The following MST1R variants were observed in gnomAD, a reference collection of about 807,000 sequenced individuals.
MST1R encodes macrophage-stimulating protein receptor.
MST1R carries 99 observed loss-of-function variants against 117.8 expected under a neutral mutation model. The ratio of observed to expected loss-of-function variants is 0.84; its 90% CI spans 0.71 to 0.99. The LOEUF is 0.99. Among genes scored for constraint, MST1R ranks in the 50% least tolerant of loss-of-function variants. The pLI, the probability that MST1R is intolerant of heterozygous loss-of-function variation, is 0.00. For missense variants in MST1R, 1,683 were observed against 1,840.2 expected, an observed-to-expected ratio of 0.91 and a Z score of 1.56; for synonymous variants, 734 against 765.3, an observed-to-expected ratio of 0.96 and a Z score of 0.68.
At position 49,887,493 on chromosome 3, in the gene MST1R, C is replaced by T. The variant is rs151334000; in HGVS notation, c.4017G>A (p.Gly1339=). The T allele has an allele frequency of 4.3e-6, 7 of 1,614,100 alleles. No individual in the cohort carries two copies. The highest frequency in any genetic ancestry group is 1.7e-5 in the Admixed American group (1 of 60,006). Residue 1339 remains glycine, a synonymous_variant, in exon 20 of 20, where the codon GGG becomes GGA. Transcript: ENST00000296474. The part of the protein sequence containing the change: ...AVRPTFRVLV[G]EVEQIVSALL... ...GTGCAGACACTATCTGCTCCACCTC[C>T]CCCACTAGTACTCTGAAGGTGGGTC... is the stretch of plus-strand genomic sequence containing the variant.
At chr3:49,902,277 C>A in intron 1 of MST1R, 103 bp downstream of exon 1, 1 of 1,455,130 alleles carries the variant, frequency 6.9e-7, no homozygotes, top group Non-Finnish European at 9.2e-7. Flanking sequence ...TTCCGCCTGC[C>A]CCCCCACCGC....
At chr3:49,901,055 G>A (rs2082660158) in intron 1 of MST1R, among the ~76,000 whole-genome samples, 1 of 152,174 alleles carries the variant, frequency 6.6e-6, no homozygotes, top group South Asian at 2.1e-4. Context: ...AGCCGTGCTG[G>A]GTGTCTTCTG....
In MST1R at chr3:49,902,250, T is replaced by G. The variant is rs1288352634; in HGVS notation, c.1230+130A>C. ...ACCACCCCAGCACTTAGGAACTGGG[T>G]GAGAGAGAATGCTTCTTTCCGCCTG... On this transcript the variant is annotated intron_variant, in intron 1 of 19. Transcript: ENST00000296474. 10 of 1,309,776 alleles carry G rather than the reference T, an allele frequency of 7.6e-6. No homozygotes were observed. The South Asian group carries it at 1.3e-4, about 17-fold the overall frequency. 81.1% of individuals were successfully genotyped at this position (1,309,776 alleles called of 1,614,324 possible).
chr3:49,895,244 G>T lies in MST1R; in HGVS notation c.3194C>A (p.Ala1065Glu). Residue 1065 changes from alanine (A) to glutamate (E), a missense_variant, in exon 14 of 20, where the codon GCG becomes GAG. Coordinates refer to ENST00000296474, the MANE Select transcript of MST1R (RefSeq NM_002447.4). Reference protein sequence around the residue: ...ESIQLRDLDSALLAEVKDVLI... With the variant: ...ESIQLRDLDSELLAEVKDVLI... ...CACATCCTTGACCTCAGCCAAGAGC[G>T]CAGAGTCCAGGTCCCTTAGCTGGAT... 6.2e-7 allele frequency: 1 copy of T among 1,614,178 alleles called. No individual in the cohort carries two copies.
Position 49,902,677 on chromosome 3 carries a change from G to GT in MST1R, c.932_933insA (p.Glu313ArgfsTer24). The GT allele has an allele frequency of 6.2e-7, 1 of 1,613,376 alleles. No individual in the cohort carries two copies. The highest frequency in any genetic ancestry group is 2.2e-5 in the East Asian group (1 of 44,880). ...CAGGGTAGGGCTGTCCGCCTTCTGGGGCCCCCCGGCGCCTGCGTTTTGGAG... is the reference window on the plus strand; with the variant it reads ...CAGGGTAGGGCTGTCCGCCTTCTGGGTGCCCCCCGGCGCCTGCGTTTTGGAG... On this transcript the variant is annotated frameshift_variant, in exon 1 of 20. Transcript: ENST00000296474. LOFTEE classifies it high-confidence loss of function.
chr3:49,898,542 G>A lies in MST1R; in HGVS notation c.1695C>T (p.Asp565=). The change falls in exon 4 of 20, where the codon GAC becomes GAT. Residue 565 remains aspartate (D), a synonymous_variant. Coordinates refer to ENST00000296474, the MANE Select transcript of MST1R (RefSeq NM_002447.4). The part of the protein sequence containing the change: ...QKECPGSWQQ[D]HCPPKLTEFH... The stretch of plus-strand genomic sequence containing the variant: ...CCTCAGTAAGCTTAGGTGGGCAGTG[G>A]TCCTGTTGCCAGGAGCCAGGACACT... 2 of 1,613,874 alleles carry A rather than the reference G, an allele frequency of 1.2e-6. No individual in the cohort carries two copies. Among genetic ancestry groups the A allele is most frequent in the Non-Finnish European group, 1.7e-6 (2 of 1,180,008 alleles).
chr3:49,891,421 T>G lies in MST1R; in HGVS notation c.3512A>C (p.Gln1171Pro). The change falls in exon 16 of 20, where the codon CAG becomes CCG. Residue 1171 changes from glutamine (Q) to proline (P), a missense_variant. Transcript: ENST00000296474. ...GACCCGCTGAGGTGAGCGGATGAAC[T>G]GGAGCAGGTCACCGTGGCACATATA... ...LPYMCHGDLL[Q>P]FIRSPQRNPT... The G allele has an allele frequency of 6.2e-7, 1 of 1,613,964 alleles. No individual in the cohort carries two copies. Among genetic ancestry groups the G allele is most frequent in the African/African-American group, 1.3e-5 (1 of 75,044 alleles).
Position 49,896,814 on chromosome 3 carries a change from C to A in MST1R, c.2260G>T (p.Gly754Trp), listed in dbSNP as rs1263192467. The change falls in exon 8 of 20, where the codon GGG becomes TGG. Residue 754 changes from glycine (G) to tryptophan (W), a missense_variant. Gly to Trp is a radical substitution (Grantham distance 184). Coordinates refer to ENST00000296474, the MANE Select transcript of MST1R (RefSeq NM_002447.4). Reference sequence around the variant, plus strand: ...CAGGAACCAGGTACCTGGGCACCCCCCACCTGCAGGCTAAGGGGGACACTG... The same window carrying A: ...CAGGAACCAGGTACCTGGGCACCCCACACCTGCAGGCTAAGGGGGACACTG... ...VASVPLSLQVGGAQVPGSWTF... is the reference protein window; with the variant it reads ...VASVPLSLQVWGAQVPGSWTF... The A allele has an allele frequency of 3.8e-6, 6 of 1,559,136 alleles. No individual in the cohort carries two copies. The South Asian group carries it at 5.9e-5, about 15-fold the overall frequency.
At chr3:49,899,897 A>G (rs1375764841) in intron 1 of MST1R, among the ~76,000 whole-genome samples, 2 of 152,044 alleles carry the variant, frequency 1.3e-5, no homozygotes, top group African/African-American at 4.8e-5. Context: ...ACAGATGAGG[A>G]AACAGGCTCA....
chr3:49,893,122 T>TA (rs2082361446), intron 14 of MST1R, among the ~76,000 whole-genome samples: 1 of 145,956 alleles, frequency 6.9e-6, no homozygotes, highest in South Asian at 2.1e-4. Context: ...CTACTAAAAA[T>TA]ACAAAAATTA....
Position 49,899,034 on chromosome 3 carries a change from C to T in MST1R, c.1420-39G>A, listed in dbSNP as rs759588631. 4.3e-6 allele frequency: 7 copies of T among 1,614,184 alleles called. No individual in the cohort carries two copies. In the South Asian group the frequency reaches 6.6e-5, roughly 15 times the overall value. On this transcript the variant is annotated intron_variant, in intron 2 of 19. Coordinates refer to ENST00000296474, the MANE Select transcript of MST1R (RefSeq NM_002447.4). ...GATGTGAGCAAAATGGGGATGGAGA[C>T]AAGGACCCAGGGCTAGGGGACTGTG...
intron 1 of MST1R, 145 bp from the exon 2 acceptor site, chr3:49,899,408 T>A: frequency 1.2e-6 from 1 of 816,076 alleles, no homozygotes; most frequent in Non-Finnish European, 1.9e-6. Flanking sequence ...CCGGTTACCA[T>A]CCCACATTGC....
chr3:49,891,769 T>C lies in MST1R; in HGVS notation c.3341A>G (p.Lys1114Arg), dbSNP rs1004471146. 11 of 1,614,146 alleles carry C rather than the reference T, an allele frequency of 6.8e-6. No individual in the cohort carries two copies. Among genetic ancestry groups the C allele is most frequent in the Non-Finnish European group, 5.9e-6 (7 of 1,180,010 alleles). ...TCTGCCCCACTTACGACTTAGTGAC[T>C]TGATGGCACATTGGATTCGATTCTG... ...QAQNRIQCAI[K>R]SLSRITEMQQ... Residue 1114 changes from lysine to arginine, a missense_variant, in exon 15 of 20, where the codon AAG becomes AGG. Coordinates refer to ENST00000296474, the MANE Select transcript of MST1R (RefSeq NM_002447.4).
chr3:49,895,423 C>T (rs781634083), intron 13 of MST1R, 24 bp downstream of exon 13: 2 of 1,613,962 alleles, frequency 1.2e-6, no homozygotes, highest in Non-Finnish European at 1.7e-6. Flanking sequence ...GTGGCTTTAG[C>T]TTCTCATGCC....
Position 49,899,110 on chromosome 3 carries a change from C to A in MST1R, c.1384G>T (p.Ala462Ser), listed in dbSNP as rs139493185. Residue 462 changes from alanine to serine, a missense_variant, in exon 2 of 20, where the codon GCA becomes TCA. By Grantham distance (99) the Ala-to-Ser change is moderately conservative (BLOSUM62 1). Transcript: ENST00000296474. The part of the protein sequence containing the change: ...YVTRLDNVTV[A>S]HMGTMDGRIL... Reference sequence around the variant, plus strand: ...CGCCCATCCATTGTGCCCATGTGTGCCACTGTGACGTTGTCAAGGCGTGTC... The same window carrying A: ...CGCCCATCCATTGTGCCCATGTGTGACACTGTGACGTTGTCAAGGCGTGTC... 12 of 1,614,008 alleles carry A rather than the reference C, an allele frequency of 7.4e-6. No individual in the cohort carries two copies. The highest frequency in any genetic ancestry group is 8.5e-6 in the Non-Finnish European group (10 of 1,180,048).
In MST1R at chr3:49,891,803, C is replaced by T. The variant is rs2082323858; in HGVS notation, c.3307G>A (p.Asp1103Asn). 1 of 1,614,128 alleles carries T rather than the reference C, an allele frequency of 6.2e-7. No individual in the cohort carries two copies. The highest frequency in any genetic ancestry group is 2.2e-5 in the East Asian group (1 of 44,876). ...CATTGGATTCGATTCTGGGCCTGGT[C>T]TATGTATTCTCCGTGGTAGACAACT... ...FGVVYHGEYI[D>N]QAQNRIQCAI... The change falls in exon 15 of 20, where the codon GAC (aspartate) becomes AAC (asparagine). Residue 1103 changes from aspartate to asparagine, a missense_variant. Physicochemically the swap from Asp to Asn is conservative, Grantham distance 23 (BLOSUM62 1). Transcript: ENST00000296474.
chr3:49,900,572 G>A (rs1229010570), intron 1 of MST1R, among the ~76,000 whole-genome samples: 10 of 151,922 alleles, frequency 6.6e-5, no homozygotes, highest in African/African-American at 9.7e-5. Flanking sequence ...GCTGAGCCTC[G>A]AAACCCCATA....
At chr3:49,888,328 C>T (rs1307360186) in intron 19 of MST1R, among the ~76,000 whole-genome samples, 4 of 151,078 alleles carry the variant, frequency 2.6e-5, no homozygotes, top group Admixed American at 6.6e-5. Context: ...CCCAGCTACT[C>T]GGGAGGCTGA....
At chr3:49,889,460 C>T (rs910493472) in intron 19 of MST1R, among the ~76,000 whole-genome samples, 4 of 152,160 alleles carry the variant, frequency 2.6e-5, no homozygotes, top group African/African-American at 9.7e-5. Context: ...AACCTCAGCA[C>T]CGAACCCACC....
Sources: allele counts gnomAD v4.1 joint callset (sites outside exome capture counted in the v4.1 genomes callset), GRCh38; gene constraint gnomAD v4.1.1; transcripts MANE v1.5; gene names NCBI Gene and HGNC (gene_info 2026-07-23, HGNC 2026-07-21).